The following BCAS4 variants were observed in gnomAD, a reference collection of about 807,000 sequenced individuals.
BCAS4 encodes breast carcinoma amplified sequence 4.
A neutral mutation model predicts 15.7 loss-of-function variants in BCAS4; 9 were observed. That is an observed-to-expected ratio of 0.57 (90% CI 0.34 to 1.00). BCAS4 has a LOEUF of 1.00. Among genes scored for constraint, BCAS4 ranks in the 50% least tolerant of loss-of-function variants. The pLI, the probability that BCAS4 is intolerant of heterozygous loss-of-function variation, is 0.02. For missense variants in BCAS4, 225 were observed against 239.1 expected (o/e 0.94, Z 0.39); for synonymous variants, 101 against 99.5 (o/e 1.02, Z -0.09).
At position 50,869,430 on chromosome 20, in the gene BCAS4, C is replaced by A. The variant is rs555801407; in HGVS notation, c.400-7056C>A. 9.2e-5 allele frequency among the ~76,000 whole-genome samples: 14 copies of A among 152,310 alleles called. No homozygotes were observed. In the East Asian group the frequency reaches 1.4e-3, roughly 15 times the overall value. On this transcript the variant is annotated intron_variant, in intron 4 of 4. Transcript: ENST00000371608. ...GTACAGGTACAGTGTGTCCACCCCC[C>A]CTTTTGGGGTGGAGGATGCTGGGCC...
chr20:50,845,755 A>C (rs979278016), intron 4 of BCAS4, among the ~76,000 whole-genome samples: 8 of 152,222 alleles, frequency 5.3e-5, no homozygotes, highest in Non-Finnish European at 1.0e-4. Context: ...CTGCCTCCAA[A>C]GGGTCCATGG....
At chr20:50,879,711 C>G (rs1037344836), downstream of BCAS4, 12 of 152,224 alleles carry the variant, frequency 7.9e-5, no homozygotes, top group South Asian at 2.1e-4. Context: ...GTTGAGTGTC[C>G]TAAAGCAGGG....
At chr20:50,830,176 C>A in intron 2 of BCAS4, 103 bp from the exon 3 acceptor site, 1 of 893,002 alleles carries the variant, frequency 1.1e-6, no homozygotes, top group Non-Finnish European at 1.8e-6. Context: ...CCTGGCACCT[C>A]AGCCATCATT....
rs145059287 is a variant in BCAS4 at position 50,865,341 on chromosome 20, G to C, written c.400-11145G>C. The stretch of plus-strand genomic sequence containing the variant: ...TTGTTGGCCAAGTTTGGAGGGACCA[G>C]ACTCGATCAGGAGCTGGTGCCCCAT... On this transcript the variant is annotated intron_variant, in intron 4 of 4. Coordinates refer to ENST00000371608, the MANE Select transcript of BCAS4 (RefSeq NM_198799.4). Among the ~76,000 whole-genome samples the C allele has an allele frequency of 2.0e-5, 3 of 152,188 alleles. No homozygotes were observed. In the East Asian group the frequency reaches 5.8e-4, roughly 30 times the overall value.
intron 4 of BCAS4, among the ~76,000 whole-genome samples, chr20:50,864,974 T>C (rs1166109411): frequency 6.6e-6 from 1 of 151,922 alleles, no homozygotes; most frequent in Non-Finnish European, 1.5e-5. Flanking sequence ...ATGCCTGTAA[T>C]CCCAGCTACT....
At position 50,797,956 on chromosome 20, in the gene BCAS4, T is replaced by A. The variant is rs144727798; in HGVS notation, c.90+2783T>A. On this transcript the variant is annotated intron_variant, in intron 1 of 4. Coordinates refer to ENST00000371608, the MANE Select transcript of BCAS4 (RefSeq NM_198799.4). ...CTGGGATTACAGGTGTGAGCCACTG[T>A]GCGTGGCCACCTACGCAATTTTTAG... Among the ~76,000 whole-genome samples the A allele has an allele frequency of 6.5e-3, 990 of 152,006 alleles. 6 individuals carry two copies. Among genetic ancestry groups the A allele is most frequent in the African/African-American group, 0.023 (952 of 41,504 alleles).
At chr20:50,831,529 C>A (rs1033095284) in intron 3 of BCAS4, among the ~76,000 whole-genome samples, 8 of 152,168 alleles carry the variant, frequency 5.3e-5, no homozygotes, top group Non-Finnish European at 7.3e-5. Flanking sequence ...CGTAGCTCAC[C>A]CATCTTTTAC....
At chr20:50,879,530 A>G (rs990097768), downstream of BCAS4, 5 of 152,196 alleles carry the variant, frequency 3.3e-5, no homozygotes, top group African/African-American at 1.2e-4. Context: ...AAAGAAGAAA[A>G]AGGAGAAAGC....
At chr20:50,863,951 C>T (rs779988628) in intron 4 of BCAS4, among the ~76,000 whole-genome samples, 6 of 152,192 alleles carry the variant, frequency 3.9e-5, no homozygotes, top group Non-Finnish European at 7.3e-5. Context: ...TCATGTGCCC[C>T]CCCAAATTCT....
intron 2 of BCAS4, among the ~76,000 whole-genome samples, chr20:50,822,140 G>A (rs1302125231): frequency 2.0e-5 from 3 of 152,136 alleles, no homozygotes; most frequent in African/African-American, 7.2e-5. Context: ...GGTTGGGGCT[G>A]GTTGGGGCTG....
chr20:50,811,270 C>T (rs1031520735), intron 1 of BCAS4, among the ~76,000 whole-genome samples: 1 of 152,032 alleles, frequency 6.6e-6, no homozygotes, highest in South Asian at 2.1e-4. Context: ...GAGGCTGAGG[C>T]GGGAGGATCC....
At chr20:50,816,250 T>G (rs1016219916) in intron 1 of BCAS4, among the ~76,000 whole-genome samples, 2 of 152,172 alleles carry the variant, frequency 1.3e-5, no homozygotes, top group African/African-American at 4.8e-5. Context: ...GGTCTCGAAC[T>G]CCTGACCTCA....
At chr20:50,817,989 A>G (rs1124952) in intron 1 of BCAS4, among the ~76,000 whole-genome samples, 35,302 of 151,910 alleles carry the variant, frequency 0.23, 5,978 homozygotes, top group African/African-American at 0.49. Context: ...TGAAAGCTGC[A>G]TAGAATGGAG....
At chr20:50,797,313 A>C (rs1271805818) in intron 1 of BCAS4, among the ~76,000 whole-genome samples, 1 of 152,210 alleles carries the variant, frequency 6.6e-6, no homozygotes, top group Admixed American at 6.5e-5. Context: ...TGTTGGTTGC[A>C]CAAATTTGTG....
rs2087838427 is a variant in BCAS4 at position 50,795,166 on chromosome 20, G to C, written c.83G>C (p.Gly28Ala). The C allele has an allele frequency of 6.9e-7, 1 of 1,452,024 alleles. No individual in the cohort carries two copies. Among genetic ancestry groups the C allele is most frequent in the Non-Finnish European group, 9.1e-7 (1 of 1,097,040 alleles). The allele number at this position is 1,452,024 out of a possible 1,614,324, so 89.9% of individuals were successfully genotyped here. A position where few individuals can be genotyped will look rare whatever the true frequency, so the allele number is the denominator to read the frequency against. The change falls in exon 1 of 5, where the codon GGG becomes GCG. Residue 28 changes from glycine to alanine, a missense_variant. Coordinates refer to ENST00000371608, the MANE Select transcript of BCAS4 (RefSeq NM_198799.4). ...ELALFLTPEP[G>A]AEAKEVEETI... ...GCGCTCTTCCTGACCCCCGAGCCTG[G>C]GGCCGAGGTAGGGGACGGGGCTGTG...
chr20:50,843,749 T>A (rs1402674455), intron 4 of BCAS4, among the ~76,000 whole-genome samples: 1 of 152,220 alleles, frequency 6.6e-6, no homozygotes. Flanking sequence ...ACTCCATTTC[T>A]TTGCTTTCCA....
Position 50,872,251 on chromosome 20 carries a change from G to A in BCAS4, c.400-4235G>A, listed in dbSNP as rs112965236. Among the ~76,000 whole-genome samples the A allele has an allele frequency of 2.0e-3, 240 of 119,530 alleles. 1 individual carries two copies. The highest frequency in any genetic ancestry group is 8.0e-3 in the African/African-American group (229 of 28,576). The allele number at this position is 119,530 out of a possible 152,430, so 78.4% of individuals were successfully genotyped here. On this transcript the variant is annotated intron_variant, in intron 4 of 4. Coordinates refer to ENST00000371608, the MANE Select transcript of BCAS4 (RefSeq NM_198799.4). Reference sequence around the variant, plus strand: ...TGCATTCCAGCCTGGGCAACAGAGCGAGACTCTGTCTCAAAAAAAAAAAAA... The same window carrying A: ...TGCATTCCAGCCTGGGCAACAGAGCAAGACTCTGTCTCAAAAAAAAAAAAA...
intron 1 of BCAS4, among the ~76,000 whole-genome samples, chr20:50,803,007 C>T (rs2087946488): frequency 6.6e-6 from 1 of 152,192 alleles, no homozygotes; most frequent in African/African-American, 2.4e-5. Context: ...ATGGCAAAAC[C>T]CAGTCTCTAC....
At chr20:50,862,985 C>A (rs1979165924) in intron 4 of BCAS4, among the ~76,000 whole-genome samples, 1 of 152,140 alleles carries the variant, frequency 6.6e-6, no homozygotes, top group Non-Finnish European at 1.5e-5. Flanking sequence ...CGCATGCCAC[C>A]ATTCCAGGCT....
Sources: allele counts gnomAD v4.1 joint callset (sites outside exome capture counted in the v4.1 genomes callset), GRCh38; gene constraint gnomAD v4.1.1; transcripts MANE v1.5; gene names NCBI Gene and HGNC (gene_info 2026-07-23, HGNC 2026-07-21).